IQCJ: variants seen among roughly 807,000 people sequenced by gnomAD.
The protein encoded by IQCJ is IQ domain-containing protein J.
A neutral mutation model predicts 11.0 loss-of-function variants in IQCJ; 9 were observed. The observed-to-expected ratio is 0.82, with a 90% CI of 0.49 to 1.43. IQCJ has a LOEUF of 1.43. Ranked by LOEUF, IQCJ falls within the 40% of genes most tolerant of loss-of-function variation. The probability of loss-of-function intolerance (pLI) is 0.00; values close to 1 mark genes in which losing one functional copy is unlikely to be tolerated. For missense variants in IQCJ, 146 were observed against 133.2 expected (o/e 1.10, Z -0.47); for synonymous variants, 55 against 51.3 (o/e 1.07, Z -0.31).
intron 1 of IQCJ, among the ~76,000 whole-genome samples, chr3:159,092,699 A>ACACACACACACACAC (rs1553775246): frequency 6.4e-5 from 9 of 141,600 alleles, no homozygotes; most frequent in Non-Finnish European, 9.0e-5. Context: ...CTCCATCACA[A>ACACACACACACACAC]ACACACACAC....
intron 1 of IQCJ, among the ~76,000 whole-genome samples, chr3:159,140,032 A>C (rs1720511622): frequency 6.6e-6 from 1 of 152,166 alleles, no homozygotes; most frequent in African/African-American, 2.4e-5. Flanking sequence ...GCTCACAGCA[A>C]AATTGAGCAG....
chr3:159,121,690 A>C, intron 1 of IQCJ, among the ~76,000 whole-genome samples: 1 of 152,270 alleles, frequency 6.6e-6, no homozygotes, highest in Non-Finnish European at 1.5e-5. Context: ...TTGGTTAACT[A>C]TCATAGAAGC....
chr3:159,187,986 A>G (rs1327841896), intron 1 of IQCJ, among the ~76,000 whole-genome samples: 2 of 152,236 alleles, frequency 1.3e-5, no homozygotes, highest in Non-Finnish European at 2.9e-5. Context: ...GGCATGGGTC[A>G]GTCCACCCAA....
chr3:159,196,972 C>T (rs918382588), intron 1 of IQCJ, among the ~76,000 whole-genome samples: 10 of 151,910 alleles, frequency 6.6e-5, no homozygotes, highest in African/African-American at 2.4e-4. Context: ...CTGTGTCCCA[C>T]CCACCCCCCA....
intron 1 of IQCJ, among the ~76,000 whole-genome samples, chr3:159,081,352 T>C (rs988806451): frequency 5.9e-5 from 9 of 152,076 alleles, no homozygotes; most frequent in Non-Finnish European, 7.4e-5. Flanking sequence ...AACATTGGCA[T>C]TGGGAATGAC....
intron 1 of IQCJ, among the ~76,000 whole-genome samples, chr3:159,108,083 G>A (rs1168031468): frequency 6.6e-6 from 1 of 151,796 alleles, no homozygotes; most frequent in Non-Finnish European, 1.5e-5. Flanking sequence ...TATAGGGTTG[G>A]CAGAGAGGAT....
At chr3:159,144,290 T>C (rs1362817828) in intron 1 of IQCJ, among the ~76,000 whole-genome samples, 1 of 152,206 alleles carries the variant, frequency 6.6e-6, no homozygotes, top group Non-Finnish European at 1.5e-5. Flanking sequence ...GTTCTTACTA[T>C]CCTTATGCAA....
chr3:159,129,154 A>G (rs1719847948), intron 1 of IQCJ, among the ~76,000 whole-genome samples: 2 of 152,210 alleles, frequency 1.3e-5, no homozygotes, highest in African/African-American at 2.4e-5. Flanking sequence ...ATTAATAATT[A>G]TTAGTATTTC....
At chr3:159,255,110 C>T (rs534067913) in intron 3 of IQCJ, among the ~76,000 whole-genome samples, 138 of 152,304 alleles carry the variant, frequency 9.1e-4, no homozygotes, top group African/African-American at 3.2e-3. Context: ...GTGCCCTTGT[C>T]CCAGGTACCA....
chr3:159,262,715 A>G lies in IQCJ; in HGVS notation c.323A>G (p.Asp108Gly). ...GTCATGTTTCTTTTTCTATGTCCTG[A>G]CTTGACATTCAACTGAAAGCCTAGA... ...VSVMFLFLCP[D>G]LTFN Residue 108 changes from aspartate (D) to glycine (G), a missense_variant, in exon 4 of 4, where the codon GAC becomes GGC. Physicochemically the swap from Asp to Gly is moderately conservative, Grantham distance 94. Transcript: ENST00000397832. 1.2e-6 allele frequency: 2 copies of G among 1,613,454 alleles called. No individual in the cohort carries two copies. The highest frequency in any genetic ancestry group is 1.7e-6 in the Non-Finnish European group (2 of 1,179,582).
At chr3:159,171,823 C>A (rs1210961993) in intron 1 of IQCJ, among the ~76,000 whole-genome samples, 1 of 152,130 alleles carries the variant, frequency 6.6e-6, no homozygotes. Context: ...TGGGCCCCAA[C>A]CCCAGAGGGT....
At chr3:159,227,560 A>C (rs1725931450) in intron 1 of IQCJ, among the ~76,000 whole-genome samples, 1 of 152,216 alleles carries the variant, frequency 6.6e-6, no homozygotes, top group South Asian at 2.1e-4. Flanking sequence ...GGCTGTCTCC[A>C]CACCTCAGAA....
At position 159,225,410 on chromosome 3, in the gene IQCJ, G is replaced by A. The variant is rs537125447; in HGVS notation, c.10-20433G>A. On this transcript the variant is annotated intron_variant, in intron 1 of 3. Coordinates refer to ENST00000397832, the MANE Select transcript of IQCJ (RefSeq NM_001042706.3). The stretch of plus-strand genomic sequence containing the variant: ...AAGGAGGGGTGGTTATGGCTGTAAG[G>A]GGGGAGCAGAGGAGCCTTATGGTAA... Among the ~76,000 whole-genome samples the A allele has an allele frequency of 5.9e-5, 9 of 152,246 alleles. No individual in the cohort carries two copies. The South Asian group carries it at 1.2e-3, about 21-fold the overall frequency.
At chr3:159,229,408 A>C (rs1014292114) in intron 1 of IQCJ, among the ~76,000 whole-genome samples, 1 of 152,058 alleles carries the variant, frequency 6.6e-6, no homozygotes, top group Non-Finnish European at 1.5e-5. Flanking sequence ...CAGTTTTTGC[A>C]TAGAAATAGT....
At chr3:159,242,240 G>A (rs1055041988) in intron 1 of IQCJ, among the ~76,000 whole-genome samples, 1 of 152,200 alleles carries the variant, frequency 6.6e-6, no homozygotes, top group Admixed American at 6.5e-5. Context: ...TGATGAGTTT[G>A]GATTTCATTC....
chr3:159,165,727 C>T (rs1722126882), intron 1 of IQCJ, among the ~76,000 whole-genome samples: 1 of 151,510 alleles, frequency 6.6e-6, no homozygotes. Flanking sequence ...AATTCTCCTG[C>T]CTCAGCCTCC....
chr3:159,085,317 T>C (rs1294885203), intron 1 of IQCJ, among the ~76,000 whole-genome samples: 3 of 151,462 alleles, frequency 2.0e-5, no homozygotes, highest in African/African-American at 7.3e-5. Flanking sequence ...CAGTCTATCA[T>C]TGTTGGACAT....
At chr3:159,156,287 A>C (rs997530725) in intron 1 of IQCJ, among the ~76,000 whole-genome samples, 1 of 152,184 alleles carries the variant, frequency 6.6e-6, no homozygotes, top group Non-Finnish European at 1.5e-5. Context: ...AGAGGTGAAT[A>C]AAATACAGTG....
intron 1 of IQCJ, among the ~76,000 whole-genome samples, chr3:159,092,946 G>C (rs1717441571): frequency 6.6e-6 from 1 of 151,640 alleles, no homozygotes; most frequent in Non-Finnish European, 1.5e-5. Flanking sequence ...CTTATGAGCT[G>C]ATAAAATTGG....
Sources: allele counts gnomAD v4.1 joint callset (sites outside exome capture counted in the v4.1 genomes callset), GRCh38; gene constraint gnomAD v4.1.1; transcripts MANE v1.5; gene names NCBI Gene and HGNC (gene_info 2026-07-23, HGNC 2026-07-21).